SNTG1: variants seen among roughly 807,000 people sequenced by gnomAD.
The protein encoded by SNTG1 is gamma-1-syntrophin.
SNTG1 carries 39 observed loss-of-function variants against 74.7 expected under a neutral mutation model. The observed-to-expected ratio is 0.52, with a 90% CI of 0.40 to 0.68. The LOEUF is 0.68. Among genes scored for constraint, SNTG1 ranks in the 30% least tolerant of loss-of-function variants. The probability of loss-of-function intolerance (pLI) is 0.00; values close to 1 mark genes in which losing one functional copy is unlikely to be tolerated. For missense variants in SNTG1, 685 were observed against 609.5 expected, an observed-to-expected ratio of 1.12 and a Z score of -1.30; for synonymous variants, 254 against 217.1, an observed-to-expected ratio of 1.17 and a Z score of -1.49.
intron 1 of SNTG1, among the ~76,000 whole-genome samples, chr8:49,933,687 A>T (rs1347475921): frequency 1.3e-5 from 2 of 152,166 alleles, no homozygotes; most frequent in African/African-American, 4.8e-5. Context: ...TTGAACTCTC[A>T]ATTTTATTCC....
intron 4 of SNTG1, among the ~76,000 whole-genome samples, chr8:50,434,214 T>C (rs1239484829): frequency 5.9e-5 from 9 of 152,326 alleles, no homozygotes; most frequent in Non-Finnish European, 4.4e-5. Flanking sequence ...ACAAAGGACA[T>C]GAACTCATCC....
At chr8:50,671,498 C>T (rs1410412415) in intron 15 of SNTG1, among the ~76,000 whole-genome samples, 2 of 152,220 alleles carry the variant, frequency 1.3e-5, no homozygotes, top group African/African-American at 4.8e-5. Flanking sequence ...AGTAAGATAC[C>T]ATCTCACACC....
intron 1 of SNTG1, among the ~76,000 whole-genome samples, chr8:49,913,367 T>C (rs1182245056): frequency 6.6e-6 from 1 of 152,282 alleles, no homozygotes; most frequent in Non-Finnish European, 1.5e-5. Flanking sequence ...AAAATGGCTC[T>C]AATGCATATC....
chr8:50,367,670 C>T (rs1335626411), intron 2 of SNTG1, among the ~76,000 whole-genome samples: 1 of 151,998 alleles, frequency 6.6e-6, no homozygotes, highest in African/African-American at 2.4e-5. Context: ...AATCATGAAA[C>T]TGTATCAGGA....
chr8:50,753,900 A>G (rs1016755009), intron 18 of SNTG1, among the ~76,000 whole-genome samples: 1 of 152,002 alleles, frequency 6.6e-6, no homozygotes, highest in African/African-American at 2.4e-5. Flanking sequence ...TAATACCTCC[A>G]TAGGTAATAC....
chr8:50,769,734 CAT>C (rs770380572), intron 18 of SNTG1, among the ~76,000 whole-genome samples: 1 of 151,998 alleles, frequency 6.6e-6, no homozygotes, highest in Non-Finnish European at 1.5e-5. Flanking sequence ...TATTGGCTGA[CAT>C]ATTAATATTC....
At chr8:50,744,785 A>T (rs1413949381) in intron 17 of SNTG1, among the ~76,000 whole-genome samples, 1 of 152,016 alleles carries the variant, frequency 6.6e-6, no homozygotes, top group South Asian at 2.1e-4. Flanking sequence ...TGCCAAGACC[A>T]TCCAATGAGG....
intron 1 of SNTG1, among the ~76,000 whole-genome samples, chr8:49,930,663 C>T (rs1807495602): frequency 1.3e-5 from 2 of 152,066 alleles, no homozygotes; most frequent in Non-Finnish European, 2.9e-5. Flanking sequence ...AGTAAAACCA[C>T]TTCCTTTCCA....
At chr8:50,733,416 G>T (rs2095517869) in intron 17 of SNTG1, among the ~76,000 whole-genome samples, 1 of 152,050 alleles carries the variant, frequency 6.6e-6, no homozygotes, top group South Asian at 2.1e-4. Context: ...CTTTTTGATA[G>T]AATGATTTAT....
intron 1 of SNTG1, among the ~76,000 whole-genome samples, chr8:50,115,086 T>C (rs905593607): frequency 1.1e-4 from 16 of 152,084 alleles, no homozygotes; most frequent in African/African-American, 3.9e-4. Context: ...AAATAAATAC[T>C]TTAGAAAGTG....
At chr8:50,354,920 A>C (rs1587283997) in intron 2 of SNTG1, among the ~76,000 whole-genome samples, 1 of 152,218 alleles carries the variant, frequency 6.6e-6, no homozygotes, top group Non-Finnish European at 1.5e-5. Flanking sequence ...GTCTTAAATT[A>C]GAGCACAAAT....
chr8:50,512,888 G>T (rs1482337325), intron 9 of SNTG1, among the ~76,000 whole-genome samples: 1 of 151,512 alleles, frequency 6.6e-6, no homozygotes, highest in Non-Finnish European at 1.5e-5. Context: ...GGAGTAGTTT[G>T]ATCATCTGAA....
intron 1 of SNTG1, among the ~76,000 whole-genome samples, chr8:50,101,598 T>C (rs2080126226): frequency 6.6e-6 from 1 of 152,134 alleles, no homozygotes; most frequent in African/African-American, 2.4e-5. Flanking sequence ...AGGGTACATG[T>C]GCACAATGTG....
In SNTG1 at chr8:50,555,647, C is replaced by G. The variant is rs958341696; in HGVS notation, c.810+2468C>G. On this transcript the variant is annotated intron_variant, in intron 12 of 18. Coordinates refer to ENST00000642720, the MANE Select transcript of SNTG1 (RefSeq NM_018967.5). The stretch of plus-strand genomic sequence containing the variant: ...TCTGAGAGTATAGGCTTGTATAAGT[C>G]TGACTTGAATAGCTTGTTAATAATA... 5.9e-5 allele frequency among the ~76,000 whole-genome samples: 9 copies of G among 152,004 alleles called. No individual in the cohort carries two copies. In the South Asian group the frequency reaches 8.3e-4, roughly 14 times the overall value.
chr8:50,019,427 T>C (rs1405750977), intron 1 of SNTG1, among the ~76,000 whole-genome samples: 2 of 151,996 alleles, frequency 1.3e-5, no homozygotes, highest in East Asian at 3.9e-4. Flanking sequence ...TAAAGAACAG[T>C]GTATTAGTTG....
intron 2 of SNTG1, among the ~76,000 whole-genome samples, chr8:50,335,511 C>A (rs2130904095): frequency 6.6e-6 from 1 of 152,272 alleles, no homozygotes; most frequent in Admixed American, 6.5e-5. Context: ...ATCGCCAGGG[C>A]ACTGATCATT....
chr8:50,391,905 A>G (rs2092667226), intron 2 of SNTG1, among the ~76,000 whole-genome samples: 2 of 152,160 alleles, frequency 1.3e-5, no homozygotes. Flanking sequence ...AATAATCCCA[A>G]TGGAAGAATA....
intron 18 of SNTG1, among the ~76,000 whole-genome samples, chr8:50,787,950 C>G (rs904935484): frequency 6.6e-6 from 1 of 151,924 alleles, no homozygotes; most frequent in African/African-American, 2.4e-5. Flanking sequence ...ATTCTAAAAT[C>G]CGTTTACTTG....
At chr8:49,924,855 A>G (rs1006209414) in intron 1 of SNTG1, among the ~76,000 whole-genome samples, 12 of 151,982 alleles carry the variant, frequency 7.9e-5, no homozygotes, top group African/African-American at 2.9e-4. Context: ...TTCCCTTCGT[A>G]GATGCAGCTA....
Sources: allele counts gnomAD v4.1 joint callset (sites outside exome capture counted in the v4.1 genomes callset), GRCh38; gene constraint gnomAD v4.1.1; transcripts MANE v1.5; gene names NCBI Gene and HGNC (gene_info 2026-07-23, HGNC 2026-07-21).